ZBTB20: variants seen among roughly 807,000 people sequenced by gnomAD.
ZBTB20 encodes zinc finger and BTB domain-containing protein 20.
A neutral mutation model predicts 56.9 loss-of-function variants in ZBTB20; 9 were observed. The ratio of observed to expected loss-of-function variants is 0.16; its 90% CI spans 0.10 to 0.28. The LOEUF (loss-of-function observed/expected upper bound fraction) is 0.28, where lower values mean the gene tolerates loss of function less well. ZBTB20 is among the 10% of genes least tolerant of loss of function. ZBTB20 has a pLI of 1.00. For missense variants in ZBTB20, 655 were observed against 1,003.0 expected (o/e 0.65, Z 4.69); for synonymous variants, 417 against 420.7 (o/e 0.99, Z 0.11).
rs2079026609 is a variant in ZBTB20 at position 114,325,278 on chromosome 3, T to A, written c.*13727A>T. 6.6e-6 allele frequency: 1 copy of A among 152,224 alleles called. No individual in the cohort carries two copies. The highest frequency in any genetic ancestry group is 1.5e-5 in the Non-Finnish European group (1 of 68,036). The allele number at this position is 152,224 out of a possible 1,614,324, so 9.4% of individuals were successfully genotyped here. ...GAATTTTCTCCTGTAAATCTACAGC[T>A]GGTTCCAAATTAAAGTTTGTCCCAA... On this transcript the variant is annotated 3_prime_UTR_variant, in exon 12 of 12. Transcript: ENST00000675478.
intron 7 of ZBTB20, among the ~76,000 whole-genome samples, chr3:114,458,799 C>T (rs1331112517): frequency 1.3e-5 from 2 of 151,900 alleles, no homozygotes; most frequent in Non-Finnish European, 2.9e-5. Flanking sequence ...ACAACATATC[C>T]TAATTTAATA....
intron 2 of ZBTB20, among the ~76,000 whole-genome samples, chr3:115,029,997 T>C (rs961833570): frequency 6.6e-6 from 1 of 150,986 alleles, no homozygotes; most frequent in Non-Finnish European, 1.5e-5. Flanking sequence ...TTGCAACATA[T>C]GACAGAGTAT....
chr3:114,546,612 T>C (rs1017277764), intron 6 of ZBTB20, among the ~76,000 whole-genome samples: 2 of 151,506 alleles, frequency 1.3e-5, no homozygotes, highest in Admixed American at 1.3e-4. Flanking sequence ...TGTTAATATC[T>C]AGTGGTCACC....
chr3:114,981,539 T>A (rs1282357450), intron 2 of ZBTB20, among the ~76,000 whole-genome samples: 1 of 152,060 alleles, frequency 6.6e-6, no homozygotes, highest in East Asian at 1.9e-4. Context: ...CTATTTAATT[T>A]TCATCTTTAC....
intron 6 of ZBTB20, among the ~76,000 whole-genome samples, chr3:114,666,252 T>TTATA (rs2061048479): frequency 1.3e-5 from 2 of 152,024 alleles, no homozygotes; most frequent in Non-Finnish European, 2.9e-5. Context: ...AGCACCAGTG[T>TTATA]TATAATACAC....
Position 114,688,092 on chromosome 3 carries a change from T to C in ZBTB20, c.-295+5436A>G, listed in dbSNP as rs559709664. The C allele has an allele frequency of 3.3e-5, 5 of 152,284 alleles. No homozygotes were observed. The East Asian group carries it at 7.7e-4, about 24-fold the overall frequency. The allele number at this position is 152,284 out of a possible 1,614,324, so 9.4% of individuals were successfully genotyped here. On this transcript the variant is annotated intron_variant, in intron 6 of 11. Coordinates refer to ENST00000675478, the MANE Select transcript of ZBTB20 (RefSeq NM_001348800.3). Reference sequence around the variant, plus strand: ...TAAAAATACAAAAATTAGCTGGGTATGATGGCGCGCATCTGTAATCCCAGC... The same window carrying C: ...TAAAAATACAAAAATTAGCTGGGTACGATGGCGCGCATCTGTAATCCCAGC...
intron 2 of ZBTB20, among the ~76,000 whole-genome samples, chr3:115,004,607 G>A (rs940952103): frequency 6.6e-6 from 1 of 151,452 alleles, no homozygotes; most frequent in Non-Finnish European, 1.5e-5. Flanking sequence ...CCCTTTCTTG[G>A]GTGCCATTCC....
intron 2 of ZBTB20, among the ~76,000 whole-genome samples, chr3:115,067,835 A>C (rs2082263891): frequency 6.6e-6 from 1 of 152,140 alleles, no homozygotes; most frequent in African/African-American, 2.4e-5. Flanking sequence ...AGCCTGCCGC[A>C]ATTTTATTGT....
In ZBTB20 at chr3:114,347,105, T is replaced by G. The variant is rs991616815; in HGVS notation, c.1804+3169A>C. On this transcript the variant is annotated intron_variant, in intron 11 of 11. Coordinates refer to ENST00000675478, the MANE Select transcript of ZBTB20 (RefSeq NM_001348800.3). Reference sequence around the variant, plus strand: ...TTTTTTTTTTTTTTTTTTTTTTTTTTTTTTTAAGAGATAGGTACCCAGGTT... The same window carrying G: ...TTTTTTTTTTTTTTTTTTTTTTTTTGTTTTTAAGAGATAGGTACCCAGGTT... Among the ~76,000 whole-genome samples the G allele has an allele frequency of 4.2e-5, 5 of 119,144 alleles. 1 individual carries two copies. Among genetic ancestry groups the G allele is most frequent in the Admixed American group, 2.5e-4 (3 of 11,862 alleles). The allele number at this position is 119,144 out of a possible 152,430, so 78.2% of individuals were successfully genotyped here. A position where few individuals can be genotyped will look rare whatever the true frequency, so the allele number is the denominator to read the frequency against.
At chr3:114,485,289 G>A (rs1438394605) in intron 7 of ZBTB20, among the ~76,000 whole-genome samples, 3 of 152,222 alleles carry the variant, frequency 2.0e-5, no homozygotes, top group Non-Finnish European at 4.4e-5. Flanking sequence ...GTGGATTACT[G>A]TCTAGAGTGC....
In ZBTB20 at chr3:114,488,303, C is replaced by G. The variant is rs151314703; in HGVS notation, c.-255+12049G>C. On this transcript the variant is annotated intron_variant, in intron 7 of 11. Transcript: ENST00000675478. ...AAAGAATGAGACTAAGCAAACAAAC[C>G]TGTTAGACGGCTCATTTGTCTTTTC... 4.4e-3 allele frequency among the ~76,000 whole-genome samples: 673 copies of G among 152,326 alleles called. 4 individuals carry two copies. The highest frequency in any genetic ancestry group is 0.015 in the African/African-American group (631 of 41,578).
intron 1 of ZBTB20, among the ~76,000 whole-genome samples, chr3:115,076,333 A>G (rs1259471066): frequency 2.0e-5 from 3 of 152,194 alleles, no homozygotes; most frequent in Non-Finnish European, 4.4e-5. Context: ...TAATCAAAAC[A>G]ATATGGTTCT....
chr3:114,690,094 T>C (rs1460940475), intron 6 of ZBTB20, among the ~76,000 whole-genome samples: 1 of 152,186 alleles, frequency 6.6e-6, no homozygotes, highest in Non-Finnish European at 1.5e-5. Flanking sequence ...CTCAGGATAG[T>C]TTATTGCTAA....
intron 6 of ZBTB20, among the ~76,000 whole-genome samples, chr3:114,630,839 C>T (rs948846671): frequency 5.3e-5 from 8 of 152,176 alleles, no homozygotes; most frequent in African/African-American, 1.9e-4. Context: ...GGAGGTAATA[C>T]ATTGGTAACT....
chr3:114,849,721 C>G (rs2074899027), intron 4 of ZBTB20, among the ~76,000 whole-genome samples: 1 of 151,998 alleles, frequency 6.6e-6, no homozygotes, highest in South Asian at 2.1e-4. Context: ...CCCTAGGTCA[C>G]AGATTATATA....
intron 4 of ZBTB20, among the ~76,000 whole-genome samples, chr3:114,892,682 T>C (rs890460310): frequency 1.3e-5 from 2 of 152,146 alleles, no homozygotes; most frequent in African/African-American, 4.8e-5. Context: ...GCTAGCAATC[T>C]GAGAGACCAC....
intron 6 of ZBTB20, among the ~76,000 whole-genome samples, chr3:114,507,205 C>A (rs1238963959): frequency 6.6e-6 from 1 of 152,090 alleles, no homozygotes; most frequent in Non-Finnish European, 1.5e-5. Context: ...CAAGTTTAAA[C>A]CTCAAGGTTA....
At chr3:115,040,181 T>C (rs1182917286) in intron 2 of ZBTB20, among the ~76,000 whole-genome samples, 1 of 152,144 alleles carries the variant, frequency 6.6e-6, no homozygotes, top group Non-Finnish European at 1.5e-5. Flanking sequence ...AATGACTCAC[T>C]GACTGATTGA....
At chr3:114,543,748 GTT>G (rs1320880155) in intron 6 of ZBTB20, among the ~76,000 whole-genome samples, 1 of 152,142 alleles carries the variant, frequency 6.6e-6, no homozygotes, top group Non-Finnish European at 1.5e-5. Context: ...CAAGCAAACA[GTT>G]AAGATTTTAA....
Sources: allele counts gnomAD v4.1 joint callset (sites outside exome capture counted in the v4.1 genomes callset), GRCh38; gene constraint gnomAD v4.1.1; transcripts MANE v1.5; gene names NCBI Gene and HGNC (gene_info 2026-07-23, HGNC 2026-07-21).